Variants in TUBB2A observed in about 807,000 individuals in gnomAD.
The protein encoded by TUBB2A is tubulin beta-2A chain.
In TUBB2A, 7 loss-of-function variants were observed where a neutral mutation model predicts 33.9. That is an observed-to-expected ratio of 0.21 (90% CI 0.12 to 0.39). The LOEUF (loss-of-function observed/expected upper bound fraction) is 0.39. TUBB2A is among the 10% of genes least tolerant of loss of function. The probability of loss-of-function intolerance (pLI) is 1.00; values close to 1 mark genes in which losing one functional copy is unlikely to be tolerated. For synonymous variants in TUBB2A, 187 were observed against 247.6 expected, an observed-to-expected ratio of 0.76 and a Z score of 2.30; for missense variants, 80 against 593.4, an observed-to-expected ratio of 0.13 and a Z score of 8.99.
chr6:3,155,061 G>T lies in TUBB2A; in HGVS notation c.278-138C>A, dbSNP rs1581497175. 2 of 1,503,840 alleles carry T rather than the reference G, an allele frequency of 1.3e-6. No homozygotes were observed. The highest frequency in any genetic ancestry group is 5.0e-5 in the East Asian group (2 of 40,370). 93.2% of individuals were successfully genotyped at this position (1,503,840 alleles called of 1,614,324 possible). ...TTTGAATACTCTTCTTTTACCTGAAGAAATATTTTTCTATGTCAGTGACCT... is the reference window on the plus strand; with the variant it reads ...TTTGAATACTCTTCTTTTACCTGAATAAATATTTTTCTATGTCAGTGACCT... On this transcript the variant is annotated intron_variant, in intron 3 of 3. Coordinates refer to ENST00000333628, the MANE Select transcript of TUBB2A (RefSeq NM_001069.3). This position sits in a 1 kb window ranked among gnomAD's most constrained non-coding sequence, Gnocchi z 4.2.
intron 1 of TUBB2A, 154 bp from the exon 2 acceptor site, chr6:3,156,306 TGCA>T: frequency 6.8e-7 from 1 of 1,480,282 alleles, no homozygotes; most frequent in South Asian, 1.3e-5. Context: ...CCCTATTTCC[TGCA>T]GCAGCCGCTG....
chr6:3,155,556 T>G lies in TUBB2A; in HGVS notation c.277+69A>C, dbSNP rs1762618808. ...CACCTTGGCACTGAACACTAAGAAC[T>G]GTGCTTTGCAGGGCTGTTAGGAAGA... On this transcript the variant is annotated intron_variant, in intron 3 of 3. Coordinates refer to ENST00000333628, the MANE Select transcript of TUBB2A (RefSeq NM_001069.3). The surrounding 1 kb of genome is among the most constrained non-coding windows in gnomAD (Gnocchi z 4.2). The G allele has an allele frequency of 3.2e-6, 4 of 1,266,080 alleles. No individual in the cohort carries two copies. The highest frequency in any genetic ancestry group is 4.5e-6 in the Non-Finnish European group (4 of 887,396). 78.4% of individuals were successfully genotyped at this position (1,266,080 alleles called of 1,614,324 possible). A position where few individuals can be genotyped will look rare whatever the true frequency, so the allele number is the denominator to read the frequency against.
Position 3,153,984 on chromosome 6 carries a change from A to G in TUBB2A, c.1217T>C (p.Met406Thr). ...GTTGCTCTCGGCCTCGGTGAACTCCATCTCGTCCATGCCCTCGCCCGTGTA... is the reference window on the plus strand; with the variant it reads ...GTTGCTCTCGGCCTCGGTGAACTCCGTCTCGTCCATGCCCTCGCCCGTGTA... Reference protein sequence around the residue: ...HWYTGEGMDEMEFTEAESNMN... With the variant: ...HWYTGEGMDETEFTEAESNMN... Residue 406 changes from methionine to threonine, a missense_variant, in exon 4 of 4, where the codon ATG (methionine) becomes ACG (threonine). Transcript: ENST00000333628. 1 of 1,607,222 alleles carries G rather than the reference A, an allele frequency of 6.2e-7. No individual in the cohort carries two copies. The highest frequency in any genetic ancestry group is 8.5e-7 in the Non-Finnish European group (1 of 1,178,240).
At position 3,153,824 on chromosome 6, in the gene TUBB2A, A is replaced by G. The variant is rs781346126; in HGVS notation, c.*39T>C. On this transcript the variant is annotated 3_prime_UTR_variant, in exon 4 of 4. Transcript: ENST00000333628. ...TAGAAAGACCATGCTTGAGGACAAC[A>G]GAAGTTCACTAAGGATGCACGATTG... 1.2e-6 allele frequency: 2 copies of G among 1,611,726 alleles called. No individual in the cohort carries two copies. Among genetic ancestry groups the G allele is most frequent in the Non-Finnish European group, 1.7e-6 (2 of 1,177,962 alleles).
chr6:3,154,929 A>C lies in TUBB2A; in HGVS notation c.278-6T>G. The C allele has an allele frequency of 6.2e-7, 1 of 1,613,972 alleles. No homozygotes were observed. Among genetic ancestry groups the C allele is most frequent in the African/African-American group, 1.3e-5 (1 of 75,040 alleles). On this transcript the variant is annotated splice_region_variant and splice_polypyrimidine_tract_variant and intron_variant, in intron 3 of 3. Transcript: ENST00000333628. ...ATTCCCGGCTCCACTCTGGCCTGCC[A>C]GAGGGAAAGTGAACATTAGACACTA...
Position 3,153,821 on chromosome 6 carries a change from A to C in TUBB2A, c.*42T>G. The C allele has an allele frequency of 6.2e-7, 1 of 1,611,414 alleles. No homozygotes were observed. Among genetic ancestry groups the C allele is most frequent in the Non-Finnish European group, 8.5e-7 (1 of 1,177,742 alleles). On this transcript the variant is annotated 3_prime_UTR_variant, in exon 4 of 4. Coordinates refer to ENST00000333628, the MANE Select transcript of TUBB2A (RefSeq NM_001069.3). Reference sequence around the variant, plus strand: ...AAGTAGAAAGACCATGCTTGAGGACAACAGAAGTTCACTAAGGATGCACGA... The same window carrying C: ...AAGTAGAAAGACCATGCTTGAGGACCACAGAAGTTCACTAAGGATGCACGA...
rs772568808 is a variant in TUBB2A at position 3,157,512 on chromosome 6, C to T, written c.-49G>A. On this transcript the variant is annotated 5_prime_UTR_variant, in exon 1 of 4. Transcript: ENST00000333628. Reference sequence around the variant, plus strand: ...CGCTGGCCCTCGGAGCGGTGCGCGGCGTGGACCGGCGGGCTGGGCTGCGCA... The same window carrying T: ...CGCTGGCCCTCGGAGCGGTGCGCGGTGTGGACCGGCGGGCTGGGCTGCGCA... 87 of 1,451,332 alleles carry T rather than the reference C, an allele frequency of 6.0e-5. No homozygotes were observed. The highest frequency in any genetic ancestry group is 7.5e-5 in the Admixed American group (3 of 39,998). 89.9% of individuals were successfully genotyped at this position (1,451,332 alleles called of 1,614,324 possible).
Position 3,155,843 on chromosome 6 carries a change from A to C in TUBB2A, c.167-108T>G. On this transcript the variant is annotated intron_variant, in intron 2 of 3. Coordinates refer to ENST00000333628, the MANE Select transcript of TUBB2A (RefSeq NM_001069.3). This position sits in a 1 kb window ranked among gnomAD's most constrained non-coding sequence, Gnocchi z 4.2. Reference sequence around the variant, plus strand: ...GAGAACAGGAGATTTTCTGCTTTTAAGAAAAAGGAGGTCCTGAGTGTGCTT... The same window carrying C: ...GAGAACAGGAGATTTTCTGCTTTTACGAAAAAGGAGGTCCTGAGTGTGCTT... 7.5e-7 allele frequency: 1 copy of C among 1,340,914 alleles called. No individual in the cohort carries two copies. The highest frequency in any genetic ancestry group is 1.4e-5 in the South Asian group (1 of 70,690). The allele number at this position is 1,340,914 out of a possible 1,614,324, so 83.1% of individuals were successfully genotyped here.
Position 3,154,715 on chromosome 6 carries a change from G to A in TUBB2A, c.486C>T (p.Arg162=), listed in dbSNP as rs760041396. 31 of 1,612,058 alleles carry A rather than the reference G, an allele frequency of 1.9e-5. No individual in the cohort carries two copies. The South Asian group carries it at 3.4e-4, about 18-fold the overall frequency. Residue 162 remains arginine (R), a synonymous_variant, in exon 4 of 4, where the codon CGC becomes CGT. Transcript: ENST00000333628. ...ISKIREEYPD[R]IMNTFSVMPS... ...GCATGACGCTGAAGGTGTTCATGAT[G>A]CGGTCTGGGTACTCTTCCCGGATCT... is the stretch of plus-strand genomic sequence containing the variant.
rs369118967 is a variant in TUBB2A at position 3,154,475 on chromosome 6, G to A, written c.726C>T (p.Phe242=). The A allele has an allele frequency of 1.2e-4, 185 of 1,597,310 alleles. No homozygotes were observed. Among genetic ancestry groups the A allele is most frequent in the Non-Finnish European group, 1.5e-4 (178 of 1,173,888 alleles). ...TMSGVTTCLR[F]PGQLNADLRK... is the part of the protein sequence containing the mutation. ...GCAGGTCTGCGTTCAGCTGGCCCGG[G>A]AAGCGCAGGCAGGTGGTGACCCCGC... Residue 242 remains phenylalanine (F), a synonymous_variant, in exon 4 of 4, where the codon TTC becomes TTT. Transcript: ENST00000333628.
In TUBB2A at chr6:3,155,752, C is replaced by T. The variant is rs1362363473; in HGVS notation, c.167-17G>A. 1 of 1,598,702 alleles carries T rather than the reference C, an allele frequency of 6.3e-7. No homozygotes were observed. Among genetic ancestry groups the T allele is most frequent in the South Asian group, 1.1e-5 (1 of 90,640 alleles). On this transcript the variant is annotated splice_polypyrimidine_tract_variant and intron_variant, in intron 2 of 3. Transcript: ENST00000333628. The surrounding 1 kb of genome is among the most constrained non-coding windows in gnomAD (Gnocchi z 4.2). ...ATTTGTTACCTGCAGGAAATAAGAA[C>T]TGACTCAGGCCTGTGCTTGGGGAGG...
chr6:3,156,960 C>T (rs1020317777), intron 1 of TUBB2A, among the ~76,000 whole-genome samples: 1 of 152,222 alleles, frequency 6.6e-6, no homozygotes, highest in African/African-American at 2.4e-5. Context: ...CAAGACAGTG[C>T]CCGAGCAAGG....
At chr6:3,157,320 G>T in intron 1 of TUBB2A, 87 bp downstream of exon 1, 3 of 1,271,520 alleles carry the variant, frequency 2.4e-6, no homozygotes, top group Non-Finnish European at 3.0e-6. Context: ...CGGCCAGCCC[G>T]GGGCCGCCGC....
In TUBB2A at chr6:3,153,672, A is replaced by T; in HGVS notation, c.*191T>A. On this transcript the variant is annotated 3_prime_UTR_variant, in exon 4 of 4. Coordinates refer to ENST00000333628, the MANE Select transcript of TUBB2A (RefSeq NM_001069.3). Reference sequence around the variant, plus strand: ...GAGAACACAGACCACAAGGTTTTCTACACATGCTTTTTTATTAGTATAGAT... The same window carrying T: ...GAGAACACAGACCACAAGGTTTTCTTCACATGCTTTTTTATTAGTATAGAT... The T allele has an allele frequency of 2.2e-6, 2 of 907,600 alleles. No individual in the cohort carries two copies. The highest frequency in any genetic ancestry group is 3.3e-6 in the Non-Finnish European group (2 of 612,834). 56.2% of individuals were successfully genotyped at this position (907,600 alleles called of 1,614,324 possible). A position where few individuals can be genotyped will look rare whatever the true frequency, so the allele number is the denominator to read the frequency against.
rs1455211654 is a variant in TUBB2A, at chr6:3,155,839, T to G, written c.167-104A>C. On this transcript the variant is annotated intron_variant, in intron 2 of 3. Coordinates refer to ENST00000333628, the MANE Select transcript of TUBB2A (RefSeq NM_001069.3). This position sits in a 1 kb window ranked among gnomAD's most constrained non-coding sequence, Gnocchi z 4.2. Reference sequence around the variant, plus strand: ...AAAGGAGAACAGGAGATTTTCTGCTTTTAAGAAAAAGGAGGTCCTGAGTGT... The same window carrying G: ...AAAGGAGAACAGGAGATTTTCTGCTGTTAAGAAAAAGGAGGTCCTGAGTGT... 4 of 1,354,272 alleles carry G rather than the reference T, an allele frequency of 3.0e-6. No individual in the cohort carries two copies. The Admixed American group carries it at 7.1e-5, about 24-fold the overall frequency. 83.9% of individuals were successfully genotyped at this position (1,354,272 alleles called of 1,614,324 possible). A position where few individuals can be genotyped will look rare whatever the true frequency, so the allele number is the denominator to read the frequency against.
chr6:3,157,401 G>A lies in TUBB2A; in HGVS notation c.57+6C>T, dbSNP rs574235580. 1.7e-5 allele frequency: 26 copies of A among 1,532,348 alleles called. No individual in the cohort carries two copies. The African/African-American group carries it at 2.0e-4, about 12-fold the overall frequency. 94.9% of individuals were successfully genotyped at this position (1,532,348 alleles called of 1,614,324 possible). A position where few individuals can be genotyped will look rare whatever the true frequency, so the allele number is the denominator to read the frequency against. On this transcript the variant is annotated splice_donor_region_variant and intron_variant, in intron 1 of 3. Coordinates refer to ENST00000333628, the MANE Select transcript of TUBB2A (RefSeq NM_001069.3). ...ACCCCGGGCCCCTCCGTGGCGGTGA[G>A]CCCACCTTGGCGCCGATCTGGTTGC...
rs1762624309 is a variant in TUBB2A at position 3,155,863 on chromosome 6, G to A, written c.167-128C>T. 7.4e-7 allele frequency: 1 copy of A among 1,342,416 alleles called. No homozygotes were observed. The highest frequency in any genetic ancestry group is 1.0e-6 in the Non-Finnish European group (1 of 986,016). 83.2% of individuals were successfully genotyped at this position (1,342,416 alleles called of 1,614,324 possible). A position where few individuals can be genotyped will look rare whatever the true frequency, so the allele number is the denominator to read the frequency against. On this transcript the variant is annotated intron_variant, in intron 2 of 3. Transcript: ENST00000333628. This position sits in a 1 kb window ranked among gnomAD's most constrained non-coding sequence, Gnocchi z 4.2. ...TTTTAAGAAAAAGGAGGTCCTGAGT[G>A]TGCTTAGCCGTGGCAAACAGGCAGG...
chr6:3,155,169 A>G lies in TUBB2A; in HGVS notation c.278-246T>C. The G allele has an allele frequency of 9.3e-7, 1 of 1,077,222 alleles. No homozygotes were observed. 66.7% of individuals were successfully genotyped at this position (1,077,222 alleles called of 1,614,324 possible). A position where few individuals can be genotyped will look rare whatever the true frequency, so the allele number is the denominator to read the frequency against. On this transcript the variant is annotated intron_variant, in intron 3 of 3. Coordinates refer to ENST00000333628, the MANE Select transcript of TUBB2A (RefSeq NM_001069.3). This position sits in a 1 kb window ranked among gnomAD's most constrained non-coding sequence, Gnocchi z 4.2. ...TGATTGAGGAAGAGGATAGGGTTAG[A>G]AAACTTAATTGGTTCTGAAATACAT...
In TUBB2A at chr6:3,157,410, G is replaced by A. The variant is rs543344878; in HGVS notation, c.54C>T (p.Ala18=). ...CCCTCCGTGGCGGTGAGCCCACCTT[G>A]GCGCCGATCTGGTTGCCGCACTGGC... ...QAGQCGNQIG[A]KFWEVISDEH... Residue 18 remains alanine, a synonymous_variant, in exon 1 of 4, where the codon GCC becomes GCT. Transcript: ENST00000333628. 1.4e-5 allele frequency: 22 copies of A among 1,539,412 alleles called. No individual in the cohort carries two copies. In the East Asian group the frequency reaches 5.4e-4, roughly 38 times the overall value.
Sources: allele counts gnomAD v4.1 joint callset (sites outside exome capture counted in the v4.1 genomes callset), GRCh38; gene constraint gnomAD v4.1.1; non-coding constraint Gnocchi (gnomAD v3.1); transcripts MANE v1.5; gene names NCBI Gene and HGNC (gene_info 2026-07-23, HGNC 2026-07-21).